Variants in TRA2B observed in about 807,000 individuals in gnomAD.
TRA2B encodes transformer-2 protein homolog beta.
Under a neutral mutation model 41.7 loss-of-function variants are expected in TRA2B, and 14 were observed. The ratio of observed to expected loss-of-function variants is 0.34; its 90% CI spans 0.22 to 0.53. The LOEUF is 0.53. Ranked by LOEUF, TRA2B falls within the 20% of genes least tolerant of loss-of-function variation. TRA2B has a pLI of 0.95. For synonymous variants in TRA2B, 130 were observed against 128.8 expected (o/e 1.01, Z -0.06); for missense variants, 167 against 396.8 (o/e 0.42, Z 4.92).
Position 185,916,941 on chromosome 3 carries a change from TAGA to T in TRA2B, c.*771_*773del, listed in dbSNP as rs1296524729. 1 of 152,646 alleles carries T rather than the reference TAGA, an allele frequency of 6.6e-6. No homozygotes were observed. Among genetic ancestry groups the T allele is most frequent in the African/African-American group, 2.4e-5 (1 of 41,464 alleles). The allele number at this position is 152,646 out of a possible 1,614,324, so 9.5% of individuals were successfully genotyped here. On this transcript the variant is annotated 3_prime_UTR_variant, in exon 9 of 9. Transcript: ENST00000453386. ...CGGTTTTTTCATATAGTCTAAAAGC[TAGA>T]AGAACAAGAGTGTATTTGTGGTGGA...
At chr3:185,937,633 T>C (rs986181554) in intron 1 of TRA2B, among the ~76,000 whole-genome samples, 192 bp downstream of exon 1, 1 of 152,178 alleles carries the variant, frequency 6.6e-6, no homozygotes, top group African/African-American at 2.4e-5. Context: ...CCTCCCTCCT[T>C]CACGACCAAA....
At chr3:185,931,288 GC>G (rs1027992981) in intron 1 of TRA2B, among the ~76,000 whole-genome samples, 32 of 152,306 alleles carry the variant, frequency 2.1e-4, no homozygotes, top group African/African-American at 7.2e-4. Flanking sequence ...ATTCGCTCAT[GC>G]CCCAGGACCA....
intron 8 of TRA2B, 134 bp downstream of exon 8, chr3:185,918,231 A>T: frequency 1.6e-6 from 1 of 622,472 alleles, no homozygotes; most frequent in Non-Finnish European, 2.7e-6. Flanking sequence ...TGAACCAAAA[A>T]ATGTTCAGGA....
intron 7 of TRA2B, among the ~76,000 whole-genome samples, 174 bp downstream of exon 7, chr3:185,919,263 T>C (rs556450789): frequency 2.0e-5 from 3 of 152,304 alleles, no homozygotes; most frequent in African/African-American, 7.2e-5. Flanking sequence ...ACCAATTAAT[T>C]TTTATAAATA....
chr3:185,926,440 A>C (rs1304658010), intron 2 of TRA2B, among the ~76,000 whole-genome samples, 161 bp downstream of exon 2: 5 of 152,216 alleles, frequency 3.3e-5, no homozygotes, highest in Admixed American at 3.3e-4. Context: ...CCAGGCTCTT[A>C]ACCGCTTTTA....
intron 6 of TRA2B, 45 bp downstream of exon 6, chr3:185,921,059 A>G: frequency 6.5e-7 from 1 of 1,547,046 alleles, no homozygotes; most frequent in Non-Finnish European, 8.9e-7. Flanking sequence ...TGCTCTGTAC[A>G]CTGTACTGAG....
intron 8 of TRA2B, 37 bp from the exon 9 acceptor site, chr3:185,917,762 T>C (rs1250932221): frequency 6.2e-7 from 1 of 1,601,182 alleles, no homozygotes; most frequent in Admixed American, 1.7e-5. Context: ...TAATATTAAG[T>C]GAACTAATTA....
Position 185,916,357 on chromosome 3 carries a change from A to G in TRA2B, c.*1358T>C, listed in dbSNP as rs1270043340. The G allele has an allele frequency of 5.3e-5, 8 of 152,218 alleles. No homozygotes were observed. The highest frequency in any genetic ancestry group is 4.6e-4 in the Admixed American group (7 of 15,276). The allele number at this position is 152,218 out of a possible 1,614,324, so 9.4% of individuals were successfully genotyped here. A position where few individuals can be genotyped will look rare whatever the true frequency, so the allele number is the denominator to read the frequency against. Reference sequence around the variant, plus strand: ...CTACATCATTTCATTGCTAAAGATTATATGTAAAGTTCTTCCCAAAGTACC... The same window carrying G: ...CTACATCATTTCATTGCTAAAGATTGTATGTAAAGTTCTTCCCAAAGTACC... On this transcript the variant is annotated 3_prime_UTR_variant, in exon 9 of 9. Coordinates refer to ENST00000453386, the MANE Select transcript of TRA2B (RefSeq NM_004593.3).
At chr3:185,935,160 C>T in intron 1 of TRA2B, 9 of 985,384 alleles carry the variant, frequency 9.1e-6, no homozygotes, top group Non-Finnish European at 1.1e-5. Context: ...CCAGGAGTGC[C>T]TCTTTTTACA....
chr3:185,931,828 CG>C, intron 1 of TRA2B: 1 of 1,505,958 alleles, frequency 6.6e-7, no homozygotes, highest in Non-Finnish European at 8.8e-7. Context: ...TGACGACTTC[CG>C]CATTTTCCTT....
chr3:185,927,744 A>G (rs927197036), intron 1 of TRA2B: 2 of 152,254 alleles, frequency 1.3e-5, no homozygotes, highest in Non-Finnish European at 2.9e-5. Flanking sequence ...CCAACGAGCT[A>G]AAGACACATA....
At chr3:185,933,755 G>A (rs796645273) in intron 1 of TRA2B, among the ~76,000 whole-genome samples, 10 of 152,192 alleles carry the variant, frequency 6.6e-5, no homozygotes, top group African/African-American at 2.4e-4. Flanking sequence ...TCTGAAATTA[G>A]TTGTAGGCCT....
chr3:185,923,525 A>G, intron 4 of TRA2B: 1 of 264,710 alleles, frequency 3.8e-6, no homozygotes. Context: ...TAGAATGTGA[A>G]CCCAGTGTAA....
At chr3:185,920,446 T>C (rs1377730889) in intron 6 of TRA2B, among the ~76,000 whole-genome samples, 2 of 152,250 alleles carry the variant, frequency 1.3e-5, no homozygotes, top group African/African-American at 4.8e-5. Flanking sequence ...CTCCCCGGCT[T>C]CCTGCCTCAT....
chr3:185,931,913 A>T (rs1209491773), intron 1 of TRA2B: 1 of 1,228,078 alleles, frequency 8.1e-7, no homozygotes, highest in Non-Finnish European at 1.1e-6. Context: ...ATCCAGTGCC[A>T]AAACTGAAAC....
intron 1 of TRA2B, chr3:185,935,587 A>ATT: frequency 7.1e-6 from 7 of 985,436 alleles, no homozygotes; most frequent in Non-Finnish European, 8.4e-6. Context: ...AATTCCACTG[A>ATT]TTTGAAGAGA....
intron 6 of TRA2B, 101 bp from the exon 7 acceptor site, chr3:185,919,597 G>A: frequency 1.1e-6 from 1 of 945,760 alleles, no homozygotes; most frequent in Non-Finnish European, 1.5e-6. Context: ...GAGCATGAAT[G>A]AGATGTTTCT....
At chr3:185,936,993 G>A (rs1168144744) in intron 1 of TRA2B, 1 of 985,206 alleles carries the variant, frequency 1.0e-6, no homozygotes, top group Non-Finnish European at 1.2e-6. Flanking sequence ...CAAAACAAAG[G>A]AAATAACGGC....
chr3:185,927,771 A>G (rs1267857699), intron 1 of TRA2B: 2 of 152,292 alleles, frequency 1.3e-5, no homozygotes, highest in Non-Finnish European at 2.9e-5. Context: ...AAAAGGGTAT[A>G]CTAAGTAATG....
Sources: gnomAD v4.1 joint callset for allele counts (sites outside exome capture counted in the v4.1 genomes callset) on GRCh38, gnomAD v4.1.1 for gene constraint, MANE v1.5 for transcripts, NCBI Gene and HGNC (gene_info 2026-07-23, HGNC 2026-07-21) for gene names.